The following SMU1 variants were observed in gnomAD, a reference collection of about 807,000 sequenced individuals.
The protein encoded by SMU1 is SMU1 DNA replication regulator and spliceosomal factor, also known as WD40 repeat-containing protein SMU1.
A neutral mutation model predicts 62.0 loss-of-function variants in SMU1; 2 were observed. The observed-to-expected ratio is 0.03, with a 90% CI of 0.01 to 0.10. SMU1 has a LOEUF of 0.10. Among genes scored for constraint, SMU1 ranks in the 10% least tolerant of loss-of-function variants. The pLI is 1.00. For missense variants in SMU1, 227 were observed against 622.1 expected (o/e 0.36, Z 6.76); for synonymous variants, 188 against 212.4 (o/e 0.89, Z 1.00).
At chr9:33,066,947 A>G (rs1839427868) in intron 4 of SMU1, among the ~76,000 whole-genome samples, 1 of 152,214 alleles carries the variant, frequency 6.6e-6, no homozygotes, top group Non-Finnish European at 1.5e-5. Flanking sequence ...ATGGGAACAA[A>G]AAGAGAAGGG....
intron 3 of SMU1, among the ~76,000 whole-genome samples, chr9:33,069,476 C>T (rs1377789463): frequency 4.6e-5 from 7 of 152,196 alleles, no homozygotes; most frequent in Admixed American, 4.6e-4. Flanking sequence ...TGAGAAAATA[C>T]TTGCAAACTA....
intron 2 of SMU1, among the ~76,000 whole-genome samples, chr9:33,072,821 T>C (rs930073421): frequency 1.4e-5 from 2 of 141,542 alleles, no homozygotes; most frequent in Admixed American, 1.5e-4. Flanking sequence ...ACAGTGAGAC[T>C]CTGTCTCAAA....
intron 11 of SMU1, among the ~76,000 whole-genome samples, chr9:33,047,629 G>A (rs1839201003): frequency 6.6e-6 from 1 of 152,066 alleles, no homozygotes; most frequent in South Asian, 2.1e-4. Context: ...AGGCAGAGGC[G>A]GGTGGATCAC....
In SMU1 at chr9:33,071,902, TA is replaced by T. The variant is rs749153008; in HGVS notation, c.238-11del. The T allele has an allele frequency of 5.8e-5, 86 of 1,490,360 alleles. No individual in the cohort carries two copies. The highest frequency in any genetic ancestry group is 2.4e-4 in the South Asian group (18 of 74,390). The allele number at this position is 1,490,360 out of a possible 1,614,324, so 92.3% of individuals were successfully genotyped here. A position where few individuals can be genotyped will look rare whatever the true frequency, so the allele number is the denominator to read the frequency against. On this transcript the variant is annotated splice_polypyrimidine_tract_variant and intron_variant, in intron 2 of 11. Coordinates refer to ENST00000397149, the MANE Select transcript of SMU1 (RefSeq NM_018225.3). Reference sequence around the variant, plus strand: ...TCAATTCCAGAACAACCTGGACAATTAAAAAAAAACAAAAAAAACCCCAGAT... The same window carrying T: ...TCAATTCCAGAACAACCTGGACAATTAAAAAAAACAAAAAAAACCCCAGAT...
intron 1 of SMU1, 83 bp downstream of exon 1, chr9:33,076,500 G>A (rs894584528): frequency 1.3e-6 from 2 of 1,542,790 alleles, no homozygotes; most frequent in African/African-American, 2.7e-5. Flanking sequence ...CCTCTCGGAT[G>A]CCTTCTCCCG....
At chr9:33,060,924 C>T (rs776838816) in intron 5 of SMU1, among the ~76,000 whole-genome samples, 1 of 152,154 alleles carries the variant, frequency 6.6e-6, no homozygotes. Context: ...CCACTGTTAG[C>T]GTGACTTTCA....
chr9:33,065,485 G>A (rs1338949877), intron 4 of SMU1, among the ~76,000 whole-genome samples: 2 of 152,182 alleles, frequency 1.3e-5, no homozygotes, highest in Non-Finnish European at 2.9e-5. Context: ...AAGAGAATGG[G>A]AGAACAGCAA....
intron 10 of SMU1, among the ~76,000 whole-genome samples, chr9:33,052,098 A>G (rs556425745): frequency 6.6e-6 from 1 of 152,298 alleles, no homozygotes; most frequent in African/African-American, 2.4e-5. Context: ...ACTTTACAGA[A>G]TGATTATATC....
intron 9 of SMU1, among the ~76,000 whole-genome samples, chr9:33,054,558 A>G (rs564011911): frequency 1.3e-5 from 2 of 152,290 alleles, no homozygotes; most frequent in South Asian, 4.1e-4. Context: ...TCTGGGTTCT[A>G]TGAACTGAAA....
chr9:33,074,735 C>T (rs1839525165), intron 1 of SMU1, among the ~76,000 whole-genome samples: 1 of 150,942 alleles, frequency 6.6e-6, no homozygotes, highest in South Asian at 2.1e-4. Flanking sequence ...CAGTGTGGCT[C>T]TAGAGCATGT....
At chr9:33,073,866 G>T in intron 1 of SMU1, 60 bp from the exon 2 acceptor site, 3 of 1,445,482 alleles carry the variant, frequency 2.1e-6, no homozygotes, top group South Asian at 1.2e-5. Context: ...CAAAAATAAA[G>T]CCTATCAAGC....
chr9:33,060,666 C>G (rs1839351945), intron 5 of SMU1, 82 bp from the exon 6 acceptor site: 1 of 1,561,064 alleles, frequency 6.4e-7, no homozygotes, highest in Middle Eastern at 1.7e-4. Flanking sequence ...TTTGAGAAAC[C>G]CTGCCCTAGC....
chr9:33,052,084 T>C (rs1215997768), intron 10 of SMU1, among the ~76,000 whole-genome samples: 1 of 150,354 alleles, frequency 6.7e-6, no homozygotes, highest in African/African-American at 2.4e-5. Flanking sequence ...ATACATGTAA[T>C]GAAACTTTAC....
intron 8 of SMU1, 88 bp from the exon 9 acceptor site, chr9:33,056,327 C>G: frequency 7.6e-7 from 1 of 1,317,324 alleles, no homozygotes; most frequent in Non-Finnish European, 1.0e-6. Context: ...AGATAAATTA[C>G]AGAAGCTCAT....
At chr9:33,061,246 A>G (rs1839358209) in intron 5 of SMU1, among the ~76,000 whole-genome samples, 1 of 152,220 alleles carries the variant, frequency 6.6e-6, no homozygotes, top group African/African-American at 2.4e-5. Flanking sequence ...CTTAAATGCC[A>G]AAAAAGGAAA....
intron 2 of SMU1, among the ~76,000 whole-genome samples, chr9:33,072,530 G>A (rs546511673): frequency 3.9e-5 from 6 of 151,970 alleles, no homozygotes; most frequent in South Asian, 2.1e-4. Flanking sequence ...GAACTCATAC[G>A]GATTGTAAAG....
rs546339044 is a variant in SMU1, at chr9:33,050,964, A to G, written c.1290+2159T>C. Reference sequence around the variant, plus strand: ...GTGAAACCCCGTCTCTACTAAAAATACAAAAAATTAGCCGGGCGTGGTGGC... The same window carrying G: ...GTGAAACCCCGTCTCTACTAAAAATGCAAAAAATTAGCCGGGCGTGGTGGC... On this transcript the variant is annotated intron_variant, in intron 10 of 11. Transcript: ENST00000397149. Among the ~76,000 whole-genome samples the G allele has an allele frequency of 4.3e-4, 48 of 112,524 alleles. 6 individuals carry two copies. In the South Asian group the frequency reaches 0.011, roughly 25 times the overall value. 73.8% of individuals were successfully genotyped at this position (112,524 alleles called of 152,430 possible).
rs41274009 is a variant in SMU1, at chr9:33,043,129, G to A, written c.*4164C>T. The A allele has an allele frequency of 0.049, 7,498 of 152,306 alleles. 245 individuals carry two copies. The highest frequency in any genetic ancestry group is 0.075 in the Non-Finnish European group (5,110 of 68,082). The allele number at this position is 152,306 out of a possible 1,614,324, so 9.4% of individuals were successfully genotyped here. A position where few individuals can be genotyped will look rare whatever the true frequency, so the allele number is the denominator to read the frequency against. On this transcript the variant is annotated 3_prime_UTR_variant, in exon 12 of 12. Transcript: ENST00000397149. Reference sequence around the variant, plus strand: ...ATTACAGGCTTGAGCCACCGTGCCCGGCCTATTGTAAGTTTTAAACAACCT... The same window carrying A: ...ATTACAGGCTTGAGCCACCGTGCCCAGCCTATTGTAAGTTTTAAACAACCT...
intron 9 of SMU1, among the ~76,000 whole-genome samples, chr9:33,055,568 A>G (rs1272814942): frequency 6.6e-6 from 1 of 152,182 alleles, no homozygotes; most frequent in Non-Finnish European, 1.5e-5. Context: ...AAATAACTAA[A>G]TCTTTAAAGG....
Sources: gnomAD v4.1 joint callset for allele counts (sites outside exome capture counted in the v4.1 genomes callset) on GRCh38, gnomAD v4.1.1 for gene constraint, MANE v1.5 for transcripts, NCBI Gene and HGNC (gene_info 2026-07-23, HGNC 2026-07-21) for gene names.